PPARGC1A: variants seen among roughly 807,000 people sequenced by gnomAD.
PPARGC1A encodes the protein peroxisome proliferator-activated receptor gamma coactivator 1-alpha.
In PPARGC1A, 25 loss-of-function variants were observed where a neutral mutation model predicts 88.7. The ratio of observed to expected loss-of-function variants is 0.28; its 90% confidence interval spans 0.21 to 0.39. The LOEUF (loss-of-function observed/expected upper bound fraction) is 0.39. Ranked by LOEUF, PPARGC1A falls within the 10% of genes least tolerant of loss-of-function variation. The pLI is 1.00. For missense variants in PPARGC1A, 880 were observed against 968.7 expected (o/e 0.91, Z 1.22); for synonymous variants, 363 against 355.6 (o/e 1.02, Z -0.24).
chr4:23,900,041 C>A (rs1000008310), upstream of PPARGC1A, among the ~76,000 whole-genome samples: 10 of 151,654 alleles, frequency 6.6e-5, no homozygotes, highest in African/African-American at 2.4e-4. Context: ...AAATGTCCAA[C>A]TTACCTCCTT....
the PPARGC1A span, among the ~76,000 whole-genome samples, chr4:24,393,976 A>C: frequency 1.3e-5 from 2 of 152,156 alleles, no homozygotes; most frequent in Non-Finnish European, 2.9e-5. Flanking sequence ...TATGTTAAAG[A>C]GAAATTTTAT....
chr4:23,806,765 A>G (rs934429964), intron 10 of PPARGC1A, among the ~76,000 whole-genome samples: 1 of 152,174 alleles, frequency 6.6e-6, no homozygotes, highest in Non-Finnish European at 1.5e-5. Flanking sequence ...AATCTTTATC[A>G]AAAAGAGTCT....
Position 23,813,797 on chromosome 4 carries a change from G to A in PPARGC1A, c.1686C>T (p.Pro562=). The part of the protein sequence containing the change: ...SPPKSLFSQR[P]QRMRSRSRSF... ...ACCTTGAACGAGAGCGCATCCTTTG[G>A]GGTCTTTGAGAAAATAAGGATTTGG... Residue 562 remains proline, a synonymous_variant, in exon 8 of 13, where the codon CCC becomes CCT. Coordinates refer to ENST00000264867, the MANE Select transcript of PPARGC1A (RefSeq NM_013261.5). 1 of 1,613,432 alleles carries A rather than the reference G, an allele frequency of 6.2e-7. No homozygotes were observed. The highest frequency in any genetic ancestry group is 8.5e-7 in the Non-Finnish European group (1 of 1,179,444).
chr4:23,988,873 ATATAATAG>A, the PPARGC1A span, among the ~76,000 whole-genome samples: 1 of 147,686 alleles, frequency 6.8e-6, no homozygotes, highest in African/African-American at 2.5e-5. Context: ...ATATTTATAC[ATATAATAG>A]TATAATACAG....
chr4:24,444,773 A>G, the PPARGC1A span, among the ~76,000 whole-genome samples: 1 of 152,116 alleles, frequency 6.6e-6, no homozygotes, highest in Non-Finnish European at 1.5e-5. Context: ...GAACAAAGAG[A>G]CAAAAGCCAG....
chr4:24,351,849 A>T, the PPARGC1A span, among the ~76,000 whole-genome samples: 10 of 152,004 alleles, frequency 6.6e-5, no homozygotes, highest in South Asian at 2.1e-4. Context: ...TGGTCTTTTC[A>T]AAAAAGGCCT....
intron 2 of PPARGC1A, among the ~76,000 whole-genome samples, chr4:23,873,197 C>G (rs1316128009): frequency 1.3e-5 from 1 of 74,828 alleles, no homozygotes. Context: ...GACTCCGTCT[C>G]AAAAATAAAA....
chr4:23,969,557 T>C, the PPARGC1A span, among the ~76,000 whole-genome samples: 2 of 152,226 alleles, frequency 1.3e-5, no homozygotes, highest in African/African-American at 2.4e-5. Flanking sequence ...GAGTATTTAC[T>C]AATATTTTTA....
the PPARGC1A span, among the ~76,000 whole-genome samples, chr4:24,389,978 G>A: frequency 6.6e-6 from 1 of 152,128 alleles, no homozygotes; most frequent in South Asian, 2.1e-4. Flanking sequence ...CTCCTTTTTA[G>A]TTGACAAAGT....
the PPARGC1A span, among the ~76,000 whole-genome samples, chr4:24,020,657 T>C: frequency 3.3e-5 from 5 of 151,804 alleles, no homozygotes; most frequent in African/African-American, 1.2e-4. Flanking sequence ...ACAGCTCCTC[T>C]GTCCTGGGGA....
the PPARGC1A span, among the ~76,000 whole-genome samples, chr4:24,118,896 C>T: frequency 1.3e-5 from 2 of 151,994 alleles, no homozygotes; most frequent in African/African-American, 4.8e-5. Flanking sequence ...GAATAATAGG[C>T]TCCAACCTGA....
the PPARGC1A span, among the ~76,000 whole-genome samples, chr4:24,356,316 C>T: frequency 6.6e-6 from 1 of 152,158 alleles, no homozygotes; most frequent in Admixed American, 6.5e-5. Flanking sequence ...TAGACAGTCA[C>T]TTCACGGGAA....
chr4:24,359,958 C>G, the PPARGC1A span, among the ~76,000 whole-genome samples: 1 of 152,158 alleles, frequency 6.6e-6, no homozygotes, highest in Non-Finnish European at 1.5e-5. Context: ...TAATACATCC[C>G]TCAAGACCAG....
the PPARGC1A span, among the ~76,000 whole-genome samples, chr4:24,284,980 A>G: frequency 6.6e-6 from 1 of 152,154 alleles, no homozygotes; most frequent in Non-Finnish European, 1.5e-5. Context: ...GTGAGCCACG[A>G]TCGGGCCACT....
chr4:23,994,994 T>C, the PPARGC1A span, among the ~76,000 whole-genome samples: 2 of 152,320 alleles, frequency 1.3e-5, no homozygotes, highest in East Asian at 1.9e-4. Flanking sequence ...ATGTTTGAAA[T>C]TGATGGTGTC....
chr4:23,910,332 T>TTA, the PPARGC1A span, among the ~76,000 whole-genome samples: 1,325 of 63,346 alleles, frequency 0.021, 32 homozygotes, highest in African/African-American at 0.11. Flanking sequence ...ATATTATATA[T>TTA]TATATATATT....
At chr4:24,451,366 G>A in the PPARGC1A span, among the ~76,000 whole-genome samples, 1 of 152,140 alleles carries the variant, frequency 6.6e-6, no homozygotes, top group Admixed American at 6.5e-5. Context: ...TCTTTTAAAA[G>A]CTGGCTGACT....
At chr4:24,463,075 T>C in the PPARGC1A span, among the ~76,000 whole-genome samples, 2 of 152,148 alleles carry the variant, frequency 1.3e-5, no homozygotes, top group Non-Finnish European at 2.9e-5. Context: ...ACACGAAGCA[T>C]CTTTTTTAGC....
At chr4:23,873,889 T>C (rs1714123375) in intron 2 of PPARGC1A, among the ~76,000 whole-genome samples, 1 of 152,034 alleles carries the variant, frequency 6.6e-6, no homozygotes. Flanking sequence ...AATGATACCG[T>C]TAGATGACAG....
Sources: allele counts gnomAD v4.1 joint callset (sites outside exome capture counted in the v4.1 genomes callset), GRCh38; gene constraint gnomAD v4.1.1; transcripts MANE v1.5; gene names NCBI Gene and HGNC (gene_info 2026-07-23, HGNC 2026-07-21).